Variants in CELF2 observed in about 807,000 individuals in gnomAD.
The protein encoded by CELF2 is CUG triplet repeat RNA-binding protein 2.
Under a neutral mutation model 62.6 loss-of-function variants are expected in CELF2, and 8 were observed. That is an observed-to-expected ratio of 0.13 (90% CI 0.07 to 0.23). The LOEUF is 0.23. Ranked by LOEUF, CELF2 falls within the 10% of genes least tolerant of loss-of-function variation. The pLI is 1.00. For synonymous variants in CELF2, 258 were observed against 250.0 expected (o/e 1.03, Z -0.30); for missense variants, 333 against 671.0 (o/e 0.50, Z 5.56).
rs1448082925 is a variant in CELF2 at position 11,010,391 on chromosome 10, C to T, written c.53+4951C>T. ...TGCTAAAAGAACAATCGAATCAGTA[C>T]TGGCCTTCTCTCTTCCTTTCCAACT... is the stretch of plus-strand genomic sequence containing the variant. On this transcript the variant is annotated intron_variant, in intron 1 of 12. Transcript: ENST00000416382. This position sits in a 1 kb window ranked among gnomAD's most constrained non-coding sequence, Gnocchi z 4.1. Among the ~76,000 whole-genome samples, 1 of 152,200 alleles carries T rather than the reference C, an allele frequency of 6.6e-6. No homozygotes were observed. Among genetic ancestry groups the T allele is most frequent in the African/African-American group, 2.4e-5 (1 of 41,458 alleles).
intron 1 of CELF2, among the ~76,000 whole-genome samples, chr10:10,831,957 G>A (rs768974216): frequency 4.6e-5 from 7 of 151,818 alleles, no homozygotes; most frequent in Non-Finnish European, 8.8e-5. Context: ...GGGTGACAGA[G>A]CGAGACTCCA....
At chr10:10,627,702 C>A in the CELF2 span, among the ~76,000 whole-genome samples, 1 of 152,128 alleles carries the variant, frequency 6.6e-6, no homozygotes, top group African/African-American at 2.4e-5. Flanking sequence ...CACCTTGAAC[C>A]CAGCAGCCCC....
rs1441547079 is a variant in CELF2 at position 11,246,972 on chromosome 10, C to T, written c.355-2181C>T. Among the ~76,000 whole-genome samples, 3 of 152,186 alleles carry T rather than the reference C, an allele frequency of 2.0e-5. No homozygotes were observed. The highest frequency in any genetic ancestry group is 4.4e-5 in the Non-Finnish European group (3 of 68,026). On this transcript the variant is annotated intron_variant, in intron 3 of 12. Coordinates refer to ENST00000633077, the MANE Select transcript of CELF2 (RefSeq NM_001326342.2). The surrounding 1 kb of genome is among the most constrained non-coding windows in gnomAD (Gnocchi z 4.6). ...CTCATGCTTTCCCCATTCGGGCAGTCATCCCACAGTCACCTGGTTGTACAG... is the reference window on the plus strand; with the variant it reads ...CTCATGCTTTCCCCATTCGGGCAGTTATCCCACAGTCACCTGGTTGTACAG...
the CELF2 span, among the ~76,000 whole-genome samples, chr10:10,756,606 C>A: frequency 6.6e-6 from 1 of 152,058 alleles, no homozygotes; most frequent in East Asian, 1.9e-4. Flanking sequence ...GATATGTTGC[C>A]TTTAATGATG....
the CELF2 span, among the ~76,000 whole-genome samples, chr10:10,463,166 G>A: frequency 2.0e-5 from 3 of 152,142 alleles, no homozygotes; most frequent in Non-Finnish European, 2.9e-5. Context: ...AGCCAACTAA[G>A]AAGAACCTAC....
rs149419682 is a variant in CELF2, at chr10:11,089,005, G to A, written c.74+70842G>A. 7.9e-4 allele frequency among the ~76,000 whole-genome samples: 120 copies of A among 152,302 alleles called. 2 individuals are homozygous for A. The highest frequency in any genetic ancestry group is 1.5e-3 in the Non-Finnish European group (102 of 68,016). On this transcript the variant is annotated intron_variant, in intron 1 of 12. Transcript: ENST00000633077. ...CACGGCTGCTGGGTTTGAGAGAGGC[G>A]AGCTTCTGTAGGGGGGAGCCTTCTA...
chr10:11,173,984 G>C (rs994657558), intron 2 of CELF2, among the ~76,000 whole-genome samples: 1 of 152,174 alleles, frequency 6.6e-6, no homozygotes, highest in South Asian at 2.1e-4. Context: ...AATTGAAGAT[G>C]TTCCGACCCA....
At chr10:10,732,682 C>T in the CELF2 span, among the ~76,000 whole-genome samples, 1 of 152,110 alleles carries the variant, frequency 6.6e-6, no homozygotes, top group Non-Finnish European at 1.5e-5. Flanking sequence ...CACCACCACG[C>T]CTGGCTAGTT....
intron 1 of CELF2, among the ~76,000 whole-genome samples, chr10:10,899,005 C>A (rs1451044607): frequency 6.6e-6 from 1 of 152,142 alleles, no homozygotes; most frequent in Non-Finnish European, 1.5e-5. Flanking sequence ...GGGTCAAATA[C>A]ATCAAATGGT....
At position 11,165,652 on chromosome 10, in the gene CELF2, G is replaced by A. The variant is rs922460916; in HGVS notation, c.241G>A (p.Asp81Asn). ...GAVYQINVLR[D>N]RSQNPPQSKG... The stretch of plus-strand genomic sequence containing the variant: ...CGTCTACCAGATCAACGTCCTCCGG[G>A]ACCGGAGTCAGAACCCTCCGCAGAG... The change falls in exon 2 of 13, where the codon GAC (aspartate) becomes AAC (asparagine). Residue 81 changes from aspartate to asparagine, a missense_variant. This residue lies in a region of CELF2 where 253 missense variants were observed against 503.0 expected (regional missense o/e 0.50). Transcript: ENST00000633077. The surrounding 1 kb of genome is among the most constrained non-coding windows in gnomAD (Gnocchi z 7.4). The A allele has an allele frequency of 2.5e-6, 4 of 1,613,898 alleles. No individual in the cohort carries two copies. Among genetic ancestry groups the A allele is most frequent in the Non-Finnish European group, 3.4e-6 (4 of 1,179,938 alleles).
Position 11,324,085 on chromosome 10 carries a change from C to G in CELF2, c.1295-1751C>G, listed in dbSNP as rs995584536. 6.6e-6 allele frequency among the ~76,000 whole-genome samples: 1 copy of G among 152,164 alleles called. No homozygotes were observed. The highest frequency in any genetic ancestry group is 2.4e-5 in the African/African-American group (1 of 41,438). On this transcript the variant is annotated intron_variant, in intron 11 of 12. Coordinates refer to ENST00000633077, the MANE Select transcript of CELF2 (RefSeq NM_001326342.2). This position sits in a 1 kb window ranked among gnomAD's most constrained non-coding sequence, Gnocchi z 4.7. The stretch of plus-strand genomic sequence containing the variant: ...GACAAAACCTACTTGTGTGCGTTTA[C>G]TGGTCTCTCTGTTTCCTTGGTCTCT...
chr10:10,641,043 A>G, the CELF2 span, among the ~76,000 whole-genome samples: 1 of 152,150 alleles, frequency 6.6e-6, no homozygotes, highest in Admixed American at 6.5e-5. Flanking sequence ...GAACAGCATA[A>G]CCTATGCTGT....
chr10:10,602,129 C>T, the CELF2 span, among the ~76,000 whole-genome samples: 1 of 152,050 alleles, frequency 6.6e-6, no homozygotes, highest in African/African-American at 2.4e-5. Flanking sequence ...TTTCTTTATC[C>T]AGTCTATCAC....
At chr10:11,186,870 G>A (rs4747894) in intron 2 of CELF2, among the ~76,000 whole-genome samples, 25,524 of 152,142 alleles carry the variant, frequency 0.17, 3,262 homozygotes, top group East Asian at 0.57. Flanking sequence ...AGTTTTTTCT[G>A]TTACTGATCT....
chr10:10,764,033 G>A, the CELF2 span, among the ~76,000 whole-genome samples: 1 of 152,218 alleles, frequency 6.6e-6, no homozygotes, highest in Non-Finnish European at 1.5e-5. Context: ...GACTAGCAGC[G>A]TTCCACGCTT....
chr10:10,786,311 A>C, the CELF2 span, among the ~76,000 whole-genome samples: 50 of 152,292 alleles, frequency 3.3e-4, no homozygotes, highest in African/African-American at 1.1e-3. Flanking sequence ...TATCATGAAG[A>C]GAAATCTCCT....
intron 2 of CELF2, among the ~76,000 whole-genome samples, chr10:10,973,598 A>C (rs2051004066): frequency 6.6e-6 from 1 of 152,002 alleles, no homozygotes; most frequent in East Asian, 1.9e-4. Flanking sequence ...AGAAAGTCTC[A>C]CTCAAATGCC....
At chr10:11,205,230 G>C (rs560948287) in intron 2 of CELF2, among the ~76,000 whole-genome samples, 213 of 152,298 alleles carry the variant, frequency 1.4e-3, no homozygotes, top group African/African-American at 5.0e-3. Context: ...TCATCACTTA[G>C]AAAAGCGGCT....
chr10:10,939,277 G>GTGTTGTTGTTGT (rs77431498), intron 2 of CELF2, among the ~76,000 whole-genome samples: 8,136 of 143,694 alleles, frequency 0.057, 1,017 homozygotes, highest in African/African-American at 0.21. Context: ...TTGTTTTGTG[G>GTGTTGTTGTTGT]TGTTGTTGTT....
Sources: allele counts gnomAD v4.1 joint callset (sites outside exome capture counted in the v4.1 genomes callset), GRCh38; gene constraint gnomAD v4.1.1; regional missense constraint gnomAD v4.1.1; non-coding constraint Gnocchi (gnomAD v3.1); transcripts MANE v1.5; gene names NCBI Gene and HGNC (gene_info 2026-07-23, HGNC 2026-07-21).